Variants in PCDH15 observed in about 807,000 individuals in gnomAD.
PCDH15 encodes the protein protocadherin related 15, also known as protocadherin-15.
PCDH15 carries 129 observed loss-of-function variants against 178.5 expected under a neutral mutation model. The observed-to-expected ratio is 0.72, with a 90% CI of 0.63 to 0.84. The LOEUF (loss-of-function observed/expected upper bound fraction) is 0.84. PCDH15 is among the 40% of genes least tolerant of loss of function. The pLI, the probability that PCDH15 is intolerant of heterozygous loss-of-function variation, is 0.00. For synonymous variants in PCDH15, 800 were observed against 732.0 expected (o/e 1.09, Z -1.50); for missense variants, 2,230 against 2,099.9 (o/e 1.06, Z -1.21).
At chr10:54,511,588 T>A (rs1351262415) in intron 3 of PCDH15, among the ~76,000 whole-genome samples, 1 of 152,192 alleles carries the variant, frequency 6.6e-6, no homozygotes, top group Non-Finnish European at 1.5e-5. Flanking sequence ...GTTTATGTGA[T>A]ATATCATACG....
At chr10:54,172,187 T>C (rs1388016323) in intron 13 of PCDH15, among the ~76,000 whole-genome samples, 2 of 151,962 alleles carry the variant, frequency 1.3e-5, no homozygotes, top group African/African-American at 2.4e-5. Flanking sequence ...ACTGATGACA[T>C]TCCACCACAA....
At chr10:54,428,570 G>A (rs766913519) in intron 3 of PCDH15, among the ~76,000 whole-genome samples, 6 of 152,148 alleles carry the variant, frequency 3.9e-5, no homozygotes, top group Non-Finnish European at 5.9e-5. Flanking sequence ...CCTCTCTTCC[G>A]TGCTTCCTTA....
intron 2 of PCDH15, among the ~76,000 whole-genome samples, chr10:55,153,117 C>A (rs533347274): frequency 8.6e-5 from 13 of 151,978 alleles, no homozygotes; most frequent in African/African-American, 3.1e-4. Context: ...ATTTTCAAGA[C>A]GTATCATTTA....
chr10:55,126,485 C>T (rs1837903773), intron 2 of PCDH15, among the ~76,000 whole-genome samples: 1 of 152,018 alleles, frequency 6.6e-6, no homozygotes, highest in South Asian at 2.1e-4. Context: ...GGTGAAAATA[C>T]CACAGCTGTG....
intron 8 of PCDH15, among the ~76,000 whole-genome samples, chr10:54,257,746 C>T (rs2057024499): frequency 1.3e-5 from 2 of 152,012 alleles, no homozygotes; most frequent in South Asian, 2.1e-4. Flanking sequence ...CAGTGAGCTA[C>T]AGTGTGATGT....
chr10:54,948,470 G>C, intron 2 of PCDH15, among the ~76,000 whole-genome samples: 1 of 151,962 alleles, frequency 6.6e-6, no homozygotes, highest in East Asian at 1.9e-4. Context: ...GACAGCTAAT[G>C]AGACATTATT....
At chr10:53,897,958 CCTTTTT>C in intron 26 of PCDH15, among the ~76,000 whole-genome samples, 1 of 112,750 alleles carries the variant, frequency 8.9e-6, no homozygotes, top group Non-Finnish European at 1.6e-5. Flanking sequence ...GTTTCTTTTC[CCTTTTT>C]TTTTTTTTTT....
At chr10:54,503,146 C>G (rs1023415266) in intron 3 of PCDH15, among the ~76,000 whole-genome samples, 2 of 150,530 alleles carry the variant, frequency 1.3e-5, no homozygotes, top group Non-Finnish European at 3.0e-5. Context: ...CTCTGAAACC[C>G]TTGGAAGACA....
At chr10:54,808,748 A>G (rs1384880560) in intron 3 of PCDH15, among the ~76,000 whole-genome samples, 2 of 152,198 alleles carry the variant, frequency 1.3e-5, no homozygotes, top group Admixed American at 6.5e-5. Flanking sequence ...ACAGATAACC[A>G]TGTCACATAT....
chr10:54,417,706 T>C (rs752205830), intron 3 of PCDH15, among the ~76,000 whole-genome samples: 79 of 152,324 alleles, frequency 5.2e-4, no homozygotes, highest in Admixed American at 9.2e-4. Context: ...AAACTTTGGA[T>C]AGCTTTTTGA....
intron 27 of PCDH15, among the ~76,000 whole-genome samples, chr10:53,866,070 G>A (rs1315889603): frequency 6.6e-6 from 1 of 152,062 alleles, no homozygotes; most frequent in Admixed American, 6.6e-5. Context: ...GTGAAAATTA[G>A]AACAGTGATA....
chr10:54,124,606 C>A (rs1222395312), intron 15 of PCDH15, among the ~76,000 whole-genome samples: 1 of 152,082 alleles, frequency 6.6e-6, no homozygotes, highest in African/African-American at 2.4e-5. Flanking sequence ...TCTTTGATTG[C>A]AAAAGAGCAA....
At chr10:54,609,164 G>C (rs998622357) in intron 2 of PCDH15, among the ~76,000 whole-genome samples, 81 of 152,106 alleles carry the variant, frequency 5.3e-4, no homozygotes, top group Middle Eastern at 3.4e-3. Context: ...GAGCACTACT[G>C]TTTTTGCTCA....
At chr10:55,540,791 A>T (rs1191557062) in intron 2 of PCDH15, among the ~76,000 whole-genome samples, 1 of 152,056 alleles carries the variant, frequency 6.6e-6, no homozygotes, top group East Asian at 1.9e-4. Context: ...GCAACTCCCG[A>T]AGTGCAAATT....
At chr10:55,511,458 G>C (rs1229862488) in intron 2 of PCDH15, among the ~76,000 whole-genome samples, 1 of 151,872 alleles carries the variant, frequency 6.6e-6, no homozygotes, top group African/African-American at 2.4e-5. Flanking sequence ...CAAAACACTG[G>C]TTTGATACTA....
intron 1 of PCDH15, among the ~76,000 whole-genome samples, chr10:54,766,322 T>C (rs1419749581): frequency 6.6e-6 from 1 of 152,134 alleles, no homozygotes; most frequent in Non-Finnish European, 1.5e-5. Context: ...TTTAACATCA[T>C]TGCATTTTGT....
chr10:54,087,294 C>T (rs2094530204), intron 16 of PCDH15, among the ~76,000 whole-genome samples: 1 of 152,140 alleles, frequency 6.6e-6, no homozygotes, highest in Admixed American at 6.6e-5. Context: ...TATTAACAGT[C>T]ACTCCCCATT....
intron 2 of PCDH15, among the ~76,000 whole-genome samples, chr10:55,003,872 C>G (rs918095958): frequency 1.3e-5 from 2 of 152,088 alleles, no homozygotes; most frequent in Non-Finnish European, 2.9e-5. Flanking sequence ...GGTCCAGGAA[C>G]CTCAAGTATC....
chr10:54,846,380 T>C (rs899002772), intron 3 of PCDH15, among the ~76,000 whole-genome samples: 2 of 152,194 alleles, frequency 1.3e-5, no homozygotes, highest in East Asian at 3.8e-4. Flanking sequence ...TGTTAAATCA[T>C]TGCCGAATGA....
Sources: allele counts gnomAD v4.1 joint callset (sites outside exome capture counted in the v4.1 genomes callset), GRCh38; gene constraint gnomAD v4.1.1; transcripts MANE v1.5; gene names NCBI Gene and HGNC (gene_info 2026-07-23, HGNC 2026-07-21).